Variants in SIDT1 observed in about 807,000 individuals in gnomAD.
SIDT1 encodes SID1 transmembrane family member 1, also known as SID1 transmembrane family, member 1.
In SIDT1, 101 loss-of-function variants were observed where a neutral mutation model predicts 107.5. The ratio of observed to expected loss-of-function variants is 0.94; its 90% CI spans 0.80 to 1.11. The LOEUF (loss-of-function observed/expected upper bound fraction) is 1.11, where lower values mean the gene tolerates loss of function less well. Among genes scored for constraint, SIDT1 ranks in the 50% least tolerant of loss-of-function variants. The pLI, the probability that SIDT1 is intolerant of heterozygous loss-of-function variation, is 0.00. For synonymous variants in SIDT1, 395 were observed against 398.2 expected (o/e 0.99, Z 0.10); for missense variants, 1,076 against 1,058.2 (o/e 1.02, Z -0.23).
chr3:113,561,641 T>C lies in SIDT1; in HGVS notation c.223-4779T>C, dbSNP rs571807677. 2.0e-5 allele frequency among the ~76,000 whole-genome samples: 3 copies of C among 152,326 alleles called. No individual in the cohort carries two copies. In the South Asian group the frequency reaches 6.2e-4, roughly 32 times the overall value. On this transcript the variant is annotated intron_variant, in intron 1 of 24. Coordinates refer to ENST00000264852, the MANE Select transcript of SIDT1 (RefSeq NM_017699.3). ...CCATTAGATGGTTTCTTTGGAACTATCCTTCCCAAAGTCTAGTCCCCATCC... is the reference window on the plus strand; with the variant it reads ...CCATTAGATGGTTTCTTTGGAACTACCCTTCCCAAAGTCTAGTCCCCATCC...
chr3:113,608,367 G>C, intron 16 of SIDT1, 52 bp from the exon 17 acceptor site: 2 of 1,520,962 alleles, frequency 1.3e-6, no homozygotes, highest in Non-Finnish European at 9.1e-7. Flanking sequence ...TTAGTGACTT[G>C]GTGGATATGG....
chr3:113,585,127 C>T (rs1250454505), intron 8 of SIDT1, 50 bp from the exon 9 acceptor site: 1 of 1,299,494 alleles, frequency 7.7e-7, no homozygotes, highest in East Asian at 2.3e-5. Context: ...CAGATGGAGT[C>T]TTCTTTTCTG....
At chr3:113,557,386 T>C (rs1300231449) in intron 1 of SIDT1, among the ~76,000 whole-genome samples, 1 of 152,216 alleles carries the variant, frequency 6.6e-6, no homozygotes, top group East Asian at 1.9e-4. Context: ...GTGACCTTAC[T>C]TGGAAGTATC....
At chr3:113,538,637 C>T (rs1938460338) in intron 1 of SIDT1, among the ~76,000 whole-genome samples, 1 of 152,120 alleles carries the variant, frequency 6.6e-6, no homozygotes, top group African/African-American at 2.4e-5. Context: ...AATGTAGTTA[C>T]CAGAAAATTT....
At chr3:113,607,168 A>G in intron 15 of SIDT1, 54 bp downstream of exon 15, 2 of 1,156,438 alleles carry the variant, frequency 1.7e-6, no homozygotes, top group Non-Finnish European at 2.6e-6. Flanking sequence ...CTTTCTGTCT[A>G]ATGTTGTGAT....
rs768068292 is a variant in SIDT1, at chr3:113,584,763, A to G, written c.901A>G (p.Ile301Val). 1.1e-5 allele frequency: 17 copies of G among 1,589,684 alleles called. No individual in the cohort carries two copies. In the Admixed American group the frequency reaches 2.8e-4, roughly 27 times the overall value. Residue 301 changes from isoleucine to valine, a missense_variant, in exon 8 of 25, where the codon ATT becomes GTT. Coordinates refer to ENST00000264852, the MANE Select transcript of SIDT1 (RefSeq NM_017699.3). Reference sequence around the variant, plus strand: ...CCTTGAAGTGACCATTGTCCCTTCCATTAAAGGTCAGTGTTGGCTCCAGAA... The same window carrying G: ...CCTTGAAGTGACCATTGTCCCTTCCGTTAAAGGTCAGTGTTGGCTCCAGAA... ...KNLEVTIVPS[I>V]KESVYVKSSL...
intron 13 of SIDT1, 83 bp from the exon 14 acceptor site, chr3:113,604,827 G>A (rs758055470): frequency 4.7e-6 from 7 of 1,491,234 alleles, no homozygotes; most frequent in African/African-American, 1.4e-5. Flanking sequence ...CTTATGGGGT[G>A]GAAGCATTCT....
intron 21 of SIDT1, 21 bp downstream of exon 21, chr3:113,619,747 A>T: frequency 6.2e-7 from 1 of 1,611,656 alleles, no homozygotes; most frequent in African/African-American, 1.3e-5. Context: ...TTATGAAAAC[A>T]TGTTTTTGCC....
chr3:113,604,733 C>G (rs1454100268), intron 13 of SIDT1, among the ~76,000 whole-genome samples, 177 bp from the exon 14 acceptor site: 2 of 152,088 alleles, frequency 1.3e-5, no homozygotes, highest in African/African-American at 4.8e-5. Flanking sequence ...ACCAAATGCC[C>G]CAATGCAAGA....
At chr3:113,575,291 AAGG>A (rs1367648258) in intron 3 of SIDT1, among the ~76,000 whole-genome samples, 4 of 152,224 alleles carry the variant, frequency 2.6e-5, no homozygotes, top group Non-Finnish European at 5.9e-5. Context: ...ACAAGAGAGT[AAGG>A]AGAAGTCATG....
At chr3:113,533,591 G>C (rs1449651485) in intron 1 of SIDT1, among the ~76,000 whole-genome samples, 1 of 152,216 alleles carries the variant, frequency 6.6e-6, no homozygotes, top group African/African-American at 2.4e-5. Context: ...GTGCGAAGAA[G>C]AACCGCACCT....
chr3:113,542,588 A>G (rs1421147947), intron 1 of SIDT1, among the ~76,000 whole-genome samples: 1 of 152,082 alleles, frequency 6.6e-6, no homozygotes, highest in African/African-American at 2.4e-5. Context: ...ACTTACAGTG[A>G]CTTTGTATGG....
At chr3:113,575,020 G>A (rs756584964) in intron 3 of SIDT1, among the ~76,000 whole-genome samples, 2 of 152,032 alleles carry the variant, frequency 1.3e-5, no homozygotes, top group Non-Finnish European at 2.9e-5. Flanking sequence ...ACATACTGCC[G>A]ACTCCATGAG....
chr3:113,598,138 C>T (rs923350458), intron 10 of SIDT1, among the ~76,000 whole-genome samples: 2 of 152,182 alleles, frequency 1.3e-5, no homozygotes, highest in Non-Finnish European at 2.9e-5. Flanking sequence ...GTCACAGAAC[C>T]CATGATGTTG....
chr3:113,563,171 G>T (rs375210366), intron 1 of SIDT1, among the ~76,000 whole-genome samples: 2 of 152,178 alleles, frequency 1.3e-5, no homozygotes, highest in African/African-American at 4.8e-5. Context: ...AACTAGAGAC[G>T]AAGGCACAGA....
rs1460559228 is a variant in SIDT1, at chr3:113,603,080, G to C, written c.1193G>C (p.Ser398Thr). The C allele has an allele frequency of 6.2e-7, 1 of 1,614,016 alleles. No homozygotes were observed. The highest frequency in any genetic ancestry group is 8.5e-7 in the Non-Finnish European group (1 of 1,180,002). The change falls in exon 12 of 25, where the codon AGC (serine) becomes ACC (threonine). Residue 398 changes from serine (S) to threonine (T), a missense_variant. By Grantham distance (58) the Ser-to-Thr change is moderately conservative. Transcript: ENST00000264852. ...GGPPGQSDTD[S>T]SVEESDFDTM... Reference sequence around the variant, plus strand: ...CCACCGGGCCAGTCAGACACAGACAGCTCCGTGGAGGAGAGCGACTTCGAC... The same window carrying C: ...CCACCGGGCCAGTCAGACACAGACACCTCCGTGGAGGAGAGCGACTTCGAC...
intron 12 of SIDT1, among the ~76,000 whole-genome samples, chr3:113,603,445 A>G (rs1945104195): frequency 6.6e-6 from 1 of 152,236 alleles, no homozygotes; most frequent in Non-Finnish European, 1.5e-5. Flanking sequence ...AGATTAAAGA[A>G]AAGATTCATT....
At chr3:113,560,882 T>C (rs537198194) in intron 1 of SIDT1, among the ~76,000 whole-genome samples, 54 of 152,334 alleles carry the variant, frequency 3.5e-4, no homozygotes, top group Non-Finnish European at 6.6e-4. Flanking sequence ...AGAGAGTCTC[T>C]AAGCTTTAAG....
At chr3:113,586,552 C>T (rs1396959197) in intron 9 of SIDT1, among the ~76,000 whole-genome samples, 1 of 152,110 alleles carries the variant, frequency 6.6e-6, no homozygotes, top group Admixed American at 6.5e-5. Flanking sequence ...CGATGAATGC[C>T]AAATCTAGGG....
Sources: allele counts gnomAD v4.1 joint callset (sites outside exome capture counted in the v4.1 genomes callset), GRCh38; gene constraint gnomAD v4.1.1; transcripts MANE v1.5; gene names NCBI Gene and HGNC (gene_info 2026-07-23, HGNC 2026-07-21).